Variants in RCOR1 observed in about 807,000 individuals in gnomAD.
RCOR1 encodes REST corepressor.
Under a neutral mutation model 64.0 loss-of-function variants are expected in RCOR1, and 12 were observed. The ratio of observed to expected loss-of-function variants is 0.19; its 90% CI spans 0.12 to 0.30. RCOR1 has a LOEUF of 0.30. Ranked by LOEUF, RCOR1 falls within the 10% of genes least tolerant of loss-of-function variation. The probability of loss-of-function intolerance (pLI) is 1.00; values close to 1 mark genes in which losing one functional copy is unlikely to be tolerated. For synonymous variants in RCOR1, 279 were observed against 227.2 expected (o/e 1.23, Z -2.05); for missense variants, 502 against 621.2 (o/e 0.81, Z 2.04).
chr14:102,599,938 G>C (rs890924345), intron 2 of RCOR1, among the ~76,000 whole-genome samples: 4 of 151,652 alleles, frequency 2.6e-5, no homozygotes, highest in Non-Finnish European at 4.4e-5. Flanking sequence ...TCAGTTGCTG[G>C]GAATACATGT....
At chr14:102,678,912 C>T (rs902866478) in intron 2 of RCOR1, among the ~76,000 whole-genome samples, 2 of 152,096 alleles carry the variant, frequency 1.3e-5, no homozygotes, top group African/African-American at 4.8e-5. Flanking sequence ...CTAATATACC[C>T]CCTTTATATC....
intron 3 of RCOR1, among the ~76,000 whole-genome samples, chr14:102,689,349 G>C (rs1469987252): frequency 6.6e-6 from 1 of 152,114 alleles, no homozygotes; most frequent in Non-Finnish European, 1.5e-5. Context: ...TTGAAAAGAA[G>C]GGGAGTGGAA....
chr14:102,626,009 C>A (rs1305098018), intron 2 of RCOR1, among the ~76,000 whole-genome samples: 1 of 152,142 alleles, frequency 6.6e-6, no homozygotes, highest in Non-Finnish European at 1.5e-5. Context: ...TTACTGTTAC[C>A]TGAAATTCAT....
At chr14:102,624,597 C>G (rs193100345) in intron 2 of RCOR1, among the ~76,000 whole-genome samples, 18 of 152,256 alleles carry the variant, frequency 1.2e-4, no homozygotes, top group African/African-American at 2.4e-4. Context: ...GAAACACTCT[C>G]TCTACAAAAA....
intron 2 of RCOR1, among the ~76,000 whole-genome samples, chr14:102,670,537 A>G (rs1408205037): frequency 6.6e-6 from 1 of 152,028 alleles, no homozygotes; most frequent in Non-Finnish European, 1.5e-5. Flanking sequence ...CTCTGTTTAT[A>G]CTTTTCAGCT....
chr14:102,691,862 CTA>C (rs1555466487), intron 3 of RCOR1, among the ~76,000 whole-genome samples: 7 of 152,182 alleles, frequency 4.6e-5, no homozygotes, highest in Non-Finnish European at 1.0e-4. Context: ...CAGTTCTTGA[CTA>C]TTACAAATAT....
chr14:102,697,704 T>C (rs1427392515), intron 3 of RCOR1, among the ~76,000 whole-genome samples: 6 of 151,910 alleles, frequency 3.9e-5, no homozygotes, highest in Non-Finnish European at 7.4e-5. Context: ...ATTTGAGTCA[T>C]CAGGGTGATC....
chr14:102,676,100 A>G (rs1304762491), intron 2 of RCOR1, among the ~76,000 whole-genome samples: 3 of 148,416 alleles, frequency 2.0e-5, no homozygotes, highest in South Asian at 4.2e-4. Context: ...AAAGTCTCCC[A>G]TGTCTACTTC....
intron 2 of RCOR1, among the ~76,000 whole-genome samples, chr14:102,666,338 G>T (rs1186369970): frequency 1.3e-5 from 2 of 152,032 alleles, no homozygotes; most frequent in African/African-American, 2.4e-5. Flanking sequence ...TTTTATTTTG[G>T]AATAATTTTA....
rs1895254064 is a variant in RCOR1, at chr14:102,679,271, G to C, written c.362-2624G>C. ...AGTTTTACACTTAGTTCTGTCATCT[G>C]TTTTGAGATAATTTTGAGGTATGGA... On this transcript the variant is annotated intron_variant, in intron 2 of 11. Coordinates refer to ENST00000262241, the MANE Select transcript of RCOR1 (RefSeq NM_015156.4). Among the ~76,000 whole-genome samples, 6 of 152,106 alleles carry C rather than the reference G, an allele frequency of 3.9e-5. No individual in the cohort carries two copies. The South Asian group carries it at 1.0e-3, about 26-fold the overall frequency.
chr14:102,624,890 TC>T (rs1245014272), intron 2 of RCOR1, among the ~76,000 whole-genome samples: 3 of 152,142 alleles, frequency 2.0e-5, no homozygotes, highest in African/African-American at 7.2e-5. Context: ...TTTTGTTTTT[TC>T]TGGAAGTCTT....
At chr14:102,712,706 G>T in intron 7 of RCOR1, among the ~76,000 whole-genome samples, 1 of 138,630 alleles carries the variant, frequency 7.2e-6, no homozygotes, top group Non-Finnish European at 1.6e-5. Flanking sequence ...ATTGGAAATT[G>T]GTCGTTTTTT....
At chr14:102,687,964 C>CTTTT (rs10712788) in intron 3 of RCOR1, among the ~76,000 whole-genome samples, 2 of 135,670 alleles carry the variant, frequency 1.5e-5, no homozygotes, top group Admixed American at 7.4e-5. Flanking sequence ...ATAGCATTTC[C>CTTTT]TTTTTTTTTT....
chr14:102,697,666 A>G (rs994167803), intron 3 of RCOR1, among the ~76,000 whole-genome samples: 2 of 152,116 alleles, frequency 1.3e-5, no homozygotes, highest in Non-Finnish European at 2.9e-5. Flanking sequence ...TAGTTACTAC[A>G]GTAGAGTGCT....
At chr14:102,712,000 CT>C (rs1226425383) in intron 7 of RCOR1, among the ~76,000 whole-genome samples, 9 of 151,570 alleles carry the variant, frequency 5.9e-5, no homozygotes, top group Non-Finnish European at 1.3e-4. Flanking sequence ...TTTACTCTAC[CT>C]TGATTTTTTT....
Position 102,726,479 on chromosome 14 carries a change from G to A in RCOR1, c.1431G>A (p.Leu477=), listed in dbSNP as rs776423894. 14 of 1,583,736 alleles carry A rather than the reference G, an allele frequency of 8.8e-6. No individual in the cohort carries two copies. The highest frequency in any genetic ancestry group is 1.1e-5 in the Non-Finnish European group (13 of 1,171,526). ...CCTCTTGGCCTCAGGCTCCTGTTCT[G>A]GATGTCAGATATGCATCTGCCTCCT... ...MPEEEDEAPV[L]DVRYASAS is the part of the protein sequence containing the mutation. Residue 477 remains leucine (L), a synonymous_variant, in exon 12 of 12, where the codon CTG becomes CTA. Transcript: ENST00000262241.
Position 102,592,905 on chromosome 14 carries a change from A to G in RCOR1, c.19A>G (p.Lys7Glu), listed in dbSNP as rs1595184275. ...CCCGCCGATGCCGGCCATGGTGGAG[A>G]AGGGCCCCGAGGTCTCAGGGAAGCG... Reference protein sequence around the residue: MPAMVEKGPEVSGKRRG... With the variant: MPAMVEEGPEVSGKRRG... The change falls in exon 1 of 12, where the codon AAG becomes GAG. Residue 7 changes from lysine (K) to glutamate (E), a missense_variant. Lys to Glu is a moderately conservative substitution (Grantham distance 56). Around this residue, in one of 2 missense-constraint regions of RCOR1, gnomAD observed 242 missense variants for 204.9 expected, o/e 1.18. Coordinates refer to ENST00000262241, the MANE Select transcript of RCOR1 (RefSeq NM_015156.4). The G allele has an allele frequency of 1.6e-6, 2 of 1,234,360 alleles. No homozygotes were observed. The highest frequency in any genetic ancestry group is 2.0e-6 in the Non-Finnish European group (2 of 983,754). 76.5% of individuals were successfully genotyped at this position (1,234,360 alleles called of 1,614,324 possible). A position where few individuals can be genotyped will look rare whatever the true frequency, so the allele number is the denominator to read the frequency against.
intron 2 of RCOR1, among the ~76,000 whole-genome samples, chr14:102,667,021 G>C (rs1419174752): frequency 6.6e-6 from 1 of 152,124 alleles, no homozygotes; most frequent in Non-Finnish European, 1.5e-5. Flanking sequence ...GACTTTTAAC[G>C]TGGAAAGTGA....
chr14:102,672,008 G>A (rs189358283), intron 2 of RCOR1, among the ~76,000 whole-genome samples: 91 of 152,198 alleles, frequency 6.0e-4, no homozygotes, highest in African/African-American at 2.0e-3. Flanking sequence ...ATGTGTTAGT[G>A]TTTTATTTTC....
Sources: allele counts gnomAD v4.1 joint callset (sites outside exome capture counted in the v4.1 genomes callset), GRCh38; gene constraint gnomAD v4.1.1; regional missense constraint gnomAD v4.1.1; transcripts MANE v1.5; gene names NCBI Gene and HGNC (gene_info 2026-07-23, HGNC 2026-07-21).